KCNJ3: variants seen among roughly 807,000 people sequenced by gnomAD.
KCNJ3 encodes G protein-activated inward rectifier potassium channel 1.
In KCNJ3, 4 loss-of-function variants were observed where a neutral mutation model predicts 39.2. That is an observed-to-expected ratio of 0.10 (90% CI 0.05 to 0.23). KCNJ3 has a LOEUF of 0.23. KCNJ3 is among the 10% of genes least tolerant of loss of function. The pLI is 1.00. For missense variants in KCNJ3, 276 were observed against 634.9 expected, an observed-to-expected ratio of 0.43 and a Z score of 6.08; for synonymous variants, 230 against 237.4, an observed-to-expected ratio of 0.97 and a Z score of 0.29.
At chr2:154,798,221 C>T (rs1175200625) in intron 2 of KCNJ3, among the ~76,000 whole-genome samples, 2 of 47,204 alleles carry the variant, frequency 4.2e-5, no homozygotes, top group East Asian at 5.0e-4. Context: ...CACACACACA[C>T]GCACAGAGTC....
At chr2:154,702,715 A>G (rs898191938) in intron 1 of KCNJ3, among the ~76,000 whole-genome samples, 1 of 151,946 alleles carries the variant, frequency 6.6e-6, no homozygotes, top group Non-Finnish European at 1.5e-5. Context: ...GAGAAAGTAG[A>G]TTACATAAAA....
rs568701689 is a variant in KCNJ3 at position 154,823,292 on chromosome 2, G to A, written c.920-31435G>A. Among the ~76,000 whole-genome samples the A allele has an allele frequency of 4.6e-5, 7 of 151,668 alleles. No individual in the cohort carries two copies. In the South Asian group the frequency reaches 1.5e-3, roughly 32 times the overall value. On this transcript the variant is annotated intron_variant, in intron 2 of 2. Transcript: ENST00000295101. ...AATGATAAAATAAAGAATAGTTGAT[G>A]TTTTGATAGAGAATTAGAAGGGCAG...
chr2:154,825,876 T>G (rs80199629), intron 2 of KCNJ3, among the ~76,000 whole-genome samples: 2 of 94,374 alleles, frequency 2.1e-5, no homozygotes, highest in African/African-American at 3.3e-5. Context: ...ACTGCACCTG[T>G]TTTTTTTTTT....
At chr2:154,848,445 T>C (rs958780904) in intron 2 of KCNJ3, among the ~76,000 whole-genome samples, 1 of 152,168 alleles carries the variant, frequency 6.6e-6, no homozygotes. Flanking sequence ...TATTTTTATG[T>C]TTATAATTAG....
At chr2:154,837,288 A>ATGAT (rs1491555934) in intron 2 of KCNJ3, among the ~76,000 whole-genome samples, 4 of 152,276 alleles carry the variant, frequency 2.6e-5, no homozygotes, top group Middle Eastern at 3.4e-3. Context: ...GATTTAAACA[A>ATGAT]TGATTATATA....
At chr2:154,790,606 A>T (rs75168069) in intron 2 of KCNJ3, among the ~76,000 whole-genome samples, 9,502 of 152,116 alleles carry the variant, frequency 0.062, 342 homozygotes, top group African/African-American at 0.089. Context: ...GAAGAAGGTT[A>T]TCGCCCCCAC....
chr2:154,703,619 A>C (rs902908642), intron 1 of KCNJ3, among the ~76,000 whole-genome samples: 1 of 152,000 alleles, frequency 6.6e-6, no homozygotes, highest in African/African-American at 2.4e-5. Flanking sequence ...GAAAGACCAT[A>C]TATGTCCTAA....
intron 2 of KCNJ3, among the ~76,000 whole-genome samples, chr2:154,774,336 C>G (rs1357286537): frequency 6.6e-6 from 1 of 152,072 alleles, no homozygotes; most frequent in Non-Finnish European, 1.5e-5. Context: ...AGTTTTACAG[C>G]ACTTGGATAA....
chr2:154,739,217 G>T (rs1355861285), intron 2 of KCNJ3, among the ~76,000 whole-genome samples: 1 of 151,920 alleles, frequency 6.6e-6, no homozygotes, highest in African/African-American at 2.4e-5. Context: ...TGCAAAAAGA[G>T]GTCTTAAATT....
At chr2:154,807,384 G>A (rs892532333) in intron 2 of KCNJ3, among the ~76,000 whole-genome samples, 16 of 152,100 alleles carry the variant, frequency 1.1e-4, no homozygotes, top group Admixed American at 3.9e-4. Flanking sequence ...TACAATAGTC[G>A]TTCACCCAAT....
intron 2 of KCNJ3, among the ~76,000 whole-genome samples, chr2:154,720,496 T>C (rs976072667): frequency 1.3e-5 from 2 of 152,112 alleles, no homozygotes; most frequent in African/African-American, 4.8e-5. Flanking sequence ...TAATTTTTAA[T>C]ATAATTTAAG....
chr2:154,765,064 A>G (rs1037093), intron 2 of KCNJ3, among the ~76,000 whole-genome samples: 127,120 of 152,126 alleles, frequency 0.84, 54,831 homozygotes, highest in East Asian at 1. Context: ...TCGGGGGGAA[A>G]GGGCATGAGG....
chr2:154,740,870 A>G (rs1685641184), intron 2 of KCNJ3, among the ~76,000 whole-genome samples: 1 of 151,986 alleles, frequency 6.6e-6, no homozygotes, highest in African/African-American at 2.4e-5. Context: ...AAAATAATGC[A>G]AATTGCAAAT....
chr2:154,711,076 GT>G (rs1685095449), intron 2 of KCNJ3, among the ~76,000 whole-genome samples: 1 of 152,006 alleles, frequency 6.6e-6, no homozygotes, highest in Non-Finnish European at 1.5e-5. Flanking sequence ...TTTAAGGGCA[GT>G]GAAAAAAGAT....
intron 2 of KCNJ3, among the ~76,000 whole-genome samples, chr2:154,824,240 C>T (rs190783778): frequency 5.9e-5 from 9 of 152,044 alleles, no homozygotes; most frequent in Admixed American, 2.0e-4. Context: ...TGGGCTGAGG[C>T]GGGGAGGATC....
chr2:154,780,276 C>T (rs539872965), intron 2 of KCNJ3, among the ~76,000 whole-genome samples: 25 of 152,202 alleles, frequency 1.6e-4, no homozygotes, highest in Middle Eastern at 3.4e-3. Context: ...TGCACACTCT[C>T]GCACAAGTTT....
chr2:154,698,856 G>A lies in KCNJ3; in HGVS notation c.81G>A (p.Gln27=). The A allele has an allele frequency of 1.2e-6, 2 of 1,614,178 alleles. No homozygotes were observed. Among genetic ancestry groups the A allele is most frequent in the Non-Finnish European group, 1.7e-6 (2 of 1,180,022 alleles). The change falls in exon 1 of 3, where the codon CAG becomes CAA. Residue 27 remains glutamine, a synonymous_variant. Transcript: ENST00000295101. ...CCAGCGGCTCGGGCTTGCAGCCCCA[G>A]GGGCCAGGCCAGGACCCTCAGCAGC... ...TSSSGSGLQP[Q]GPGQDPQQQL... is the part of the protein sequence containing the mutation.
intron 2 of KCNJ3, among the ~76,000 whole-genome samples, chr2:154,853,925 C>T (rs995133926): frequency 6.6e-6 from 1 of 152,154 alleles, no homozygotes; most frequent in Admixed American, 6.6e-5. Context: ...GAACTTGATA[C>T]ATCACATGGC....
intron 2 of KCNJ3, among the ~76,000 whole-genome samples, chr2:154,846,403 T>G (rs1286534996): frequency 2.0e-5 from 3 of 152,200 alleles, no homozygotes; most frequent in African/African-American, 7.2e-5. Context: ...TGATCAGTGA[T>G]TGAACCTTTA....
Sources: allele counts gnomAD v4.1 joint callset (sites outside exome capture counted in the v4.1 genomes callset), GRCh38; gene constraint gnomAD v4.1.1; transcripts MANE v1.5; gene names NCBI Gene and HGNC (gene_info 2026-07-23, HGNC 2026-07-21).